GPR89A: variants seen among roughly 807,000 people sequenced by gnomAD.
GPR89A encodes the protein G protein-coupled receptor 89A.
A neutral mutation model predicts 52.0 loss-of-function variants in GPR89A; 16 were observed. The observed-to-expected ratio is 0.31, with a 90% confidence interval of 0.21 to 0.47. The LOEUF is 0.47. GPR89A is among the 20% of genes least tolerant of loss of function. The probability of loss-of-function intolerance (pLI) is 1.00; values close to 1 mark genes in which losing one functional copy is unlikely to be tolerated. For missense variants in GPR89A, 135 were observed against 449.4 expected (o/e 0.30, Z 6.33); for synonymous variants, 55 against 150.9 (o/e 0.36, Z 4.66).
chr1:145,620,440 G>T, intron 3 of GPR89A, among the ~76,000 whole-genome samples: 1 of 150,954 alleles, frequency 6.6e-6, no homozygotes, highest in Admixed American at 6.6e-5. Context: ...GGTAGATGAT[G>T]TCCCCCAACT....
At chr1:145,646,532 C>T in intron 9 of GPR89A, 1 of 458,648 alleles carries the variant, frequency 2.2e-6, no homozygotes, top group East Asian at 4.1e-5. Flanking sequence ...AGGAAGGTGG[C>T]ACGTACCACC....
chr1:145,627,482 C>T (rs1451664098), intron 5 of GPR89A, among the ~76,000 whole-genome samples: 1 of 151,632 alleles, frequency 6.6e-6, no homozygotes, highest in African/African-American at 2.4e-5. Flanking sequence ...AAAGGGGTTG[C>T]AAATTCAAGA....
At chr1:145,614,679 CTGTA>C (rs1228875470) in intron 1 of GPR89A, among the ~76,000 whole-genome samples, 1 of 152,028 alleles carries the variant, frequency 6.6e-6, no homozygotes, top group Non-Finnish European at 1.5e-5. Context: ...CATTACAAAA[CTGTA>C]TGGTAAGCAC....
At chr1:145,665,219 A>C (rs1652473476) in intron 11 of GPR89A, among the ~76,000 whole-genome samples, 1 of 152,056 alleles carries the variant, frequency 6.6e-6, no homozygotes, top group South Asian at 2.1e-4. Flanking sequence ...ATGGTGACTC[A>C]TGCCTGTAAT....
At chr1:145,660,805 A>G (rs1207137026) in intron 10 of GPR89A, among the ~76,000 whole-genome samples, 1 of 150,068 alleles carries the variant, frequency 6.7e-6, no homozygotes, top group African/African-American at 2.5e-5. Context: ...GTCAGGAAAC[A>G]ACAGGTGCTG....
chr1:145,616,099 T>C lies in GPR89A; in HGVS notation c.43-135T>C, dbSNP rs1439355342. The C allele has an allele frequency of 1.1e-5, 7 of 662,106 alleles. 1 individual carries two copies. The highest frequency in any genetic ancestry group is 3.8e-5 in the African/African-American group (2 of 52,630). The allele number at this position is 662,106 out of a possible 1,614,324, so 41.0% of individuals were successfully genotyped here. On this transcript the variant is annotated intron_variant, in intron 1 of 13. Transcript: ENST00000313835. ...TCATGAGCTTTAATAATAGGTCTTA[T>C]AAGAGTGGATCTTATCTTTAATCCC...
intron 3 of GPR89A, among the ~76,000 whole-genome samples, chr1:145,619,753 C>T (rs1295263955): frequency 9.9e-5 from 15 of 152,208 alleles, no homozygotes; most frequent in African/African-American, 3.4e-4. Flanking sequence ...CGGTGGCTCA[C>T]GCCTGTAATC....
chr1:145,668,479 G>C (rs1387972224), intron 12 of GPR89A, among the ~76,000 whole-genome samples: 1 of 152,130 alleles, frequency 6.6e-6, no homozygotes, highest in South Asian at 2.1e-4. Context: ...GGGCTGAGAC[G>C]ATGGGGTTTT....
chr1:145,610,673 A>T (rs1411840709), intron 1 of GPR89A, among the ~76,000 whole-genome samples: 1 of 152,152 alleles, frequency 6.6e-6, no homozygotes, highest in Admixed American at 6.5e-5. Flanking sequence ...TCCTCCATAG[A>T]TTATAAACTC....
intron 1 of GPR89A, among the ~76,000 whole-genome samples, chr1:145,613,548 C>T: frequency 6.6e-6 from 1 of 152,054 alleles, no homozygotes; most frequent in South Asian, 2.1e-4. Flanking sequence ...AGACTATAAT[C>T]TAAGCTCCTT....
chr1:145,609,462 A>G (rs1648097809), intron 1 of GPR89A, among the ~76,000 whole-genome samples: 1 of 152,214 alleles, frequency 6.6e-6, no homozygotes, highest in South Asian at 2.1e-4. Flanking sequence ...CATAATATTC[A>G]AATGTATTAA....
At chr1:145,645,906 T>A (rs1291646736) in intron 8 of GPR89A, 8 of 543,428 alleles carry the variant, frequency 1.5e-5, no homozygotes, top group Admixed American at 3.1e-5. Flanking sequence ...ATCTAACTAG[T>A]TAAATCAAAA....
At chr1:145,624,516 C>CTA (rs1292679716) in intron 5 of GPR89A, among the ~76,000 whole-genome samples, 17 of 147,198 alleles carry the variant, frequency 1.2e-4, no homozygotes, top group South Asian at 2.1e-4. Flanking sequence ...TTAAAAAAAT[C>CTA]TATATATATA....
chr1:145,614,812 A>G (rs1222172374), intron 1 of GPR89A, among the ~76,000 whole-genome samples: 3 of 152,008 alleles, frequency 2.0e-5, no homozygotes, highest in African/African-American at 7.3e-5. Context: ...AGGGCTAGAG[A>G]GAAGTTCCTT....
intron 10 of GPR89A, among the ~76,000 whole-genome samples, chr1:145,658,831 A>G (rs1553694934): frequency 6.6e-6 from 1 of 151,780 alleles, no homozygotes; most frequent in Non-Finnish European, 1.5e-5. Context: ...AGGCTGGAGC[A>G]CAGTGGGGTG....
intron 10 of GPR89A, among the ~76,000 whole-genome samples, chr1:145,659,432 G>A (rs1161607619): frequency 9.9e-5 from 15 of 151,884 alleles, no homozygotes; most frequent in African/African-American, 3.4e-4. Flanking sequence ...TGATCCACCC[G>A]CCTCAGCCTC....
chr1:145,610,058 T>G (rs1648145592), intron 1 of GPR89A, among the ~76,000 whole-genome samples: 1 of 152,112 alleles, frequency 6.6e-6, no homozygotes, highest in African/African-American at 2.4e-5. Context: ...GTCCATGAGG[T>G]CCAAGATACT....
intron 10 of GPR89A, among the ~76,000 whole-genome samples, chr1:145,648,548 C>T (rs1422441624): frequency 3.3e-5 from 5 of 151,072 alleles, no homozygotes; most frequent in African/African-American, 7.3e-5. Context: ...GGTGCGATCT[C>T]GGCTCACTGC....
chr1:145,654,236 A>G (rs1553694115), intron 10 of GPR89A, among the ~76,000 whole-genome samples: 3 of 152,132 alleles, frequency 2.0e-5, no homozygotes, highest in African/African-American at 7.2e-5. Flanking sequence ...CAGATAGGAA[A>G]TTCTGGGTTG....
Sources: allele counts gnomAD v4.1 joint callset (sites outside exome capture counted in the v4.1 genomes callset), GRCh38; gene constraint gnomAD v4.1.1; transcripts MANE v1.5; gene names NCBI Gene and HGNC (gene_info 2026-07-23, HGNC 2026-07-21).